The following ARHGEF3 variants were observed in gnomAD, a reference collection of about 807,000 sequenced individuals.
The protein encoded by ARHGEF3 is 59.8 kDA protein.
A neutral mutation model predicts 63.2 loss-of-function variants in ARHGEF3; 28 were observed. The observed-to-expected ratio is 0.44, with a 90% CI of 0.33 to 0.61. ARHGEF3 has a LOEUF of 0.61. ARHGEF3 is among the 20% of genes least tolerant of loss of function. The pLI, the probability that ARHGEF3 is intolerant of heterozygous loss-of-function variation, is 0.03. For missense variants in ARHGEF3, 533 were observed against 659.3 expected, an observed-to-expected ratio of 0.81 and a Z score of 2.10; for synonymous variants, 266 against 254.2, an observed-to-expected ratio of 1.05 and a Z score of -0.44.
rs1227027639 is a variant in ARHGEF3, at chr3:57,058,696, A to G, written c.-28+20530T>C. Among the ~76,000 whole-genome samples, 5 of 152,252 alleles carry G rather than the reference A, an allele frequency of 3.3e-5. No homozygotes were observed. In the East Asian group the frequency reaches 9.7e-4, roughly 29 times the overall value. On this transcript the variant is annotated intron_variant, in intron 1 of 12. Coordinates refer to the ARHGEF3 transcript ENST00000338458. ...CTGCTATAAAGACACATGCACACGT[A>G]TGTTTATTGCGGCACTATTCACAAT...
At position 56,830,967 on chromosome 3, in the gene ARHGEF3, C is replaced by T. The variant is rs146228631; in HGVS notation, c.192+51325G>A. On this transcript the variant is annotated intron_variant, in intron 4 of 12. Coordinates refer to the ARHGEF3 transcript ENST00000338458. ...TCCTATTCCCAGCCCCAGTCACAGCCACCTCAAGACTGGACTGTGTCCTTG... is the reference window on the plus strand; with the variant it reads ...TCCTATTCCCAGCCCCAGTCACAGCTACCTCAAGACTGGACTGTGTCCTTG... Among the ~76,000 whole-genome samples, 516 of 152,294 alleles carry T rather than the reference C, an allele frequency of 3.4e-3. 3 individuals are homozygous for T. The highest frequency in any genetic ancestry group is 0.012 in the African/African-American group (487 of 41,562).
At chr3:56,858,104 C>T (rs1010600465) in intron 4 of ARHGEF3, among the ~76,000 whole-genome samples, 4 of 151,904 alleles carry the variant, frequency 2.6e-5, no homozygotes, top group African/African-American at 9.7e-5. Flanking sequence ...ATTAGCCAGG[C>T]ATGGTGGTGC....
chr3:56,900,556 G>A (rs958042692), intron 3 of ARHGEF3, among the ~76,000 whole-genome samples: 2 of 152,162 alleles, frequency 1.3e-5, no homozygotes, highest in South Asian at 2.1e-4. Flanking sequence ...ACTGAGCCAC[G>A]GAAGTCAAAG....
intron 4 of ARHGEF3, among the ~76,000 whole-genome samples, chr3:56,859,636 G>A (rs77986750): frequency 0.18 from 26,295 of 144,442 alleles, 3,131 homozygotes; most frequent in East Asian, 0.52. Flanking sequence ...AGGCTAAAGC[G>A]ATTCTCCCAT....
At chr3:56,801,956 C>CG (rs746030612), upstream of ARHGEF3, 3 of 1,335,812 alleles carry the variant, frequency 2.2e-6, no homozygotes, top group South Asian at 3.7e-5. Flanking sequence ...GACTGGGCTC[C>CG]GGAGCCGAGT....
At chr3:56,775,795 C>G (rs1446997364) in intron 1 of ARHGEF3, 1 of 316,844 alleles carries the variant, frequency 3.2e-6, no homozygotes, top group African/African-American at 3.7e-5. Context: ...CACACACACG[C>G]GCAAGCACAC....
chr3:56,757,738 T>C (rs755748003), intron 2 of ARHGEF3, among the ~76,000 whole-genome samples: 4 of 151,654 alleles, frequency 2.6e-5, no homozygotes, highest in Admixed American at 6.6e-5. Context: ...TTTTTTTTGT[T>C]TTGAGATGGA....
chr3:56,915,858 T>A (rs1049540031), intron 3 of ARHGEF3, among the ~76,000 whole-genome samples: 3 of 152,228 alleles, frequency 2.0e-5, no homozygotes, highest in Non-Finnish European at 4.4e-5. Context: ...AAATCCACTT[T>A]GTGATTAAAT....
intron 4 of ARHGEF3, among the ~76,000 whole-genome samples, chr3:56,857,096 G>A (rs2039913902): frequency 6.6e-6 from 1 of 151,858 alleles, no homozygotes; most frequent in Non-Finnish European, 1.5e-5. Flanking sequence ...AAGAAAAAAA[G>A]CCCTACATAT....
intron 2 of ARHGEF3, among the ~76,000 whole-genome samples, chr3:56,976,755 T>C (rs1227704373): frequency 6.6e-6 from 1 of 152,154 alleles, no homozygotes; most frequent in Non-Finnish European, 1.5e-5. Context: ...GGGCCACACA[T>C]AAAAACATGT....
chr3:56,833,832 C>T (rs2039009228), intron 4 of ARHGEF3, among the ~76,000 whole-genome samples: 1 of 152,124 alleles, frequency 6.6e-6, no homozygotes, highest in East Asian at 1.9e-4. Context: ...AGACTCAGCC[C>T]CCAGTGCATA....
At chr3:56,942,202 CT>C (rs1315826121) in intron 3 of ARHGEF3, among the ~76,000 whole-genome samples, 1 of 152,192 alleles carries the variant, frequency 6.6e-6, no homozygotes, top group African/African-American at 2.4e-5. Flanking sequence ...CTGCACTTGG[CT>C]TTATTGCACT....
intron 4 of ARHGEF3, among the ~76,000 whole-genome samples, chr3:56,860,323 A>G (rs545590111): frequency 2.0e-5 from 3 of 152,152 alleles, no homozygotes; most frequent in Non-Finnish European, 4.4e-5. Context: ...CTGAGACTAC[A>G]GGTGTGTGCA....
Position 56,728,958 on chromosome 3 carries a change from T to G in ARHGEF3, c.*312A>C. 3.7e-6 allele frequency: 1 copy of G among 268,596 alleles called. No homozygotes were observed. The allele number at this position is 268,596 out of a possible 1,614,324, so 16.6% of individuals were successfully genotyped here. On this transcript the variant is annotated 3_prime_UTR_variant, in exon 10 of 10. Transcript: ENST00000296315. Reference sequence around the variant, plus strand: ...TCTTCAAACAATCTATGTAAAACAGTAGTTTTGAGATTCTTTTTCTATTTT... The same window carrying G: ...TCTTCAAACAATCTATGTAAAACAGGAGTTTTGAGATTCTTTTTCTATTTT...
In ARHGEF3 at chr3:57,059,072, C is replaced by T. The variant is rs141252301; in HGVS notation, c.-28+20154G>A. Among the ~76,000 whole-genome samples the T allele has an allele frequency of 1.4e-4, 21 of 151,948 alleles. No homozygotes were observed. The East Asian group carries it at 3.9e-3, about 28-fold the overall frequency. On this transcript the variant is annotated intron_variant, in intron 1 of 12. Coordinates refer to the ARHGEF3 transcript ENST00000338458. ...TGAGTTAATGGGTGCAGCACGCCAA[C>T]ATGGCACATGTATAGATATGTAACA...
At chr3:56,764,637 C>A (rs760553110) in intron 2 of ARHGEF3, among the ~76,000 whole-genome samples, 2 of 151,758 alleles carry the variant, frequency 1.3e-5, no homozygotes, top group Non-Finnish European at 2.9e-5. Flanking sequence ...TTGGAGAAGA[C>A]GATATGAGGC....
chr3:56,853,961 C>T lies in ARHGEF3; in HGVS notation c.192+28331G>A, dbSNP rs1177225765. 3.3e-5 allele frequency among the ~76,000 whole-genome samples: 5 copies of T among 152,018 alleles called. No individual in the cohort carries two copies. The East Asian group carries it at 5.8e-4, about 18-fold the overall frequency. ...CTGTAATCCCAGCATTTTGGGAGGC[C>T]GAGGAGGGTGGATCACGAGGTCAGG... On this transcript the variant is annotated intron_variant, in intron 4 of 12. Transcript: ENST00000338458.
In ARHGEF3 at chr3:56,992,024, C is replaced by CTGTGTGTG. The variant is rs58860849; in HGVS notation, c.63-33143_63-33136dup. 6.6e-4 allele frequency among the ~76,000 whole-genome samples: 87 copies of CTGTGTGTG among 131,712 alleles called. 3 individuals carry two copies. The highest frequency in any genetic ancestry group is 2.3e-3 in the African/African-American group (78 of 34,444). The allele number at this position is 131,712 out of a possible 152,430, so 86.4% of individuals were successfully genotyped here. ...TCTCACTCTCTCTCCCCTCCTCTCTCTGTGTGTGTGTGTGTGTGTGTGTGT... is the reference window on the plus strand; with the variant it reads ...TCTCACTCTCTCTCCCCTCCTCTCTCTGTGTGTGTGTGTGTGTGTGTGTGTGTGTGTGT... On this transcript the variant is annotated intron_variant, in intron 2 of 12. Transcript: ENST00000338458.
intron 3 of ARHGEF3, among the ~76,000 whole-genome samples, chr3:56,945,005 G>A (rs576371300): frequency 3.5e-4 from 54 of 152,294 alleles, no homozygotes; most frequent in African/African-American, 1.2e-3. Flanking sequence ...GATCTGAGAG[G>A]AATGACTGCA....
Sources: gnomAD v4.1 joint callset for allele counts (sites outside exome capture counted in the v4.1 genomes callset) on GRCh38, gnomAD v4.1.1 for gene constraint, MANE v1.5 for transcripts, NCBI Gene and HGNC (gene_info 2026-07-23, HGNC 2026-07-21) for gene names.